Variants in CNTN3 observed in about 807,000 individuals in gnomAD.
CNTN3 encodes contactin-3.
A neutral mutation model predicts 119.1 loss-of-function variants in CNTN3; 60 were observed. The observed-to-expected ratio is 0.50, with a 90% confidence interval of 0.41 to 0.62. CNTN3 has a LOEUF of 0.62. Among genes scored for constraint, CNTN3 ranks in the 20% least tolerant of loss-of-function variants. The pLI, the probability that CNTN3 is intolerant of heterozygous loss-of-function variation, is 0.00. For synonymous variants in CNTN3, 450 were observed against 438.7 expected, an observed-to-expected ratio of 1.03 and a Z score of -0.32; for missense variants, 1,101 against 1,242.4, an observed-to-expected ratio of 0.89 and a Z score of 1.71.
At chr3:74,380,563 C>T (rs1704587744) in intron 5 of CNTN3, among the ~76,000 whole-genome samples, 1 of 152,186 alleles carries the variant, frequency 6.6e-6, no homozygotes, top group Non-Finnish European at 1.5e-5. Flanking sequence ...GCAAAATTTA[C>T]ACTGCCCTTG....
At chr3:74,613,713 C>T (rs1454946211) in intron 1 of CNTN3, among the ~76,000 whole-genome samples, 1 of 152,164 alleles carries the variant, frequency 6.6e-6, no homozygotes, top group Non-Finnish European at 1.5e-5. Flanking sequence ...GCCCGGTTGG[C>T]ACTTCCTGGT....
At chr3:74,611,706 A>C (rs1705084649) in intron 1 of CNTN3, among the ~76,000 whole-genome samples, 1 of 152,216 alleles carries the variant, frequency 6.6e-6, no homozygotes, top group Non-Finnish European at 1.5e-5. Flanking sequence ...ACTGTCCACC[A>C]GCATTAAGTG....
chr3:74,296,608 A>C (rs1450186010), intron 18 of CNTN3, among the ~76,000 whole-genome samples: 1 of 152,208 alleles, frequency 6.6e-6, no homozygotes, highest in Non-Finnish European at 1.5e-5. Context: ...ACTTTTTGCA[A>C]CTTACTGTCA....
At chr3:74,342,567 T>C (rs491492) in intron 11 of CNTN3, among the ~76,000 whole-genome samples, 12,394 of 152,232 alleles carry the variant, frequency 0.081, 1,466 homozygotes, top group African/African-American at 0.26. Context: ...ACCTTGGCTC[T>C]ACTCTATAAC....
intron 5 of CNTN3, among the ~76,000 whole-genome samples, chr3:74,404,217 T>C (rs765601730): frequency 2.4e-4 from 36 of 152,156 alleles, no homozygotes; most frequent in Non-Finnish European, 4.6e-4. Context: ...AGGAGTTCTT[T>C]ATTCTGTGGA....
intron 3 of CNTN3, among the ~76,000 whole-genome samples, chr3:74,498,925 G>T (rs1022398411): frequency 1.3e-5 from 2 of 151,654 alleles, no homozygotes; most frequent in Non-Finnish European, 1.5e-5. Flanking sequence ...CATGAAAGTG[G>T]GTCTCCCAAG....
At chr3:74,576,814 A>C (rs1056658311) in intron 1 of CNTN3, among the ~76,000 whole-genome samples, 1 of 152,134 alleles carries the variant, frequency 6.6e-6, no homozygotes, top group Non-Finnish European at 1.5e-5. Context: ...TTTTCTAAAA[A>C]TAAATTCAAA....
intron 2 of CNTN3, among the ~76,000 whole-genome samples, chr3:74,511,485 A>G (rs1017708199): frequency 7.9e-5 from 12 of 152,076 alleles, no homozygotes; most frequent in African/African-American, 2.2e-4. Flanking sequence ...TCAATTCAAC[A>G]CATCTCTACA....
At chr3:74,533,744 T>G (rs1383623812) in intron 1 of CNTN3, among the ~76,000 whole-genome samples, 1 of 152,036 alleles carries the variant, frequency 6.6e-6, no homozygotes. Context: ...GTTCAAAGCC[T>G]AGAGAGGCAT....
At chr3:74,372,159 A>G (rs907891423) in intron 5 of CNTN3, among the ~76,000 whole-genome samples, 2 of 152,044 alleles carry the variant, frequency 1.3e-5, no homozygotes, top group African/African-American at 4.8e-5. Flanking sequence ...CTGTCCTCCT[A>G]TCACTTGTTA....
chr3:74,341,879 T>G (rs995432094), intron 11 of CNTN3, among the ~76,000 whole-genome samples: 1 of 152,162 alleles, frequency 6.6e-6, no homozygotes, highest in African/African-American at 2.4e-5. Flanking sequence ...CCTGCCTATA[T>G]TCTTCTGATC....
chr3:74,500,297 A>C (rs953723078), intron 2 of CNTN3, among the ~76,000 whole-genome samples: 2 of 152,036 alleles, frequency 1.3e-5, no homozygotes, highest in Non-Finnish European at 2.9e-5. Context: ...AAGATACAGC[A>C]CTGAACAGGC....
At chr3:74,597,106 G>T (rs986047080) in intron 1 of CNTN3, among the ~76,000 whole-genome samples, 26 of 152,136 alleles carry the variant, frequency 1.7e-4, no homozygotes, top group Admixed American at 3.9e-4. Flanking sequence ...GGAAACTCCA[G>T]TCTCTACCCA....
intron 20 of CNTN3, chr3:74,267,582 A>AC (rs1376525942): frequency 4.1e-6 from 2 of 490,598 alleles, no homozygotes; most frequent in Admixed American, 6.6e-5. Context: ...CATACACCAA[A>AC]CCCCCGTGAC....
At chr3:74,488,375 A>C (rs1449255663) in intron 3 of CNTN3, among the ~76,000 whole-genome samples, 1 of 152,172 alleles carries the variant, frequency 6.6e-6, no homozygotes, top group Admixed American at 6.5e-5. Flanking sequence ...GGCCTCCCAA[A>C]GTGCTGAGAT....
At chr3:74,492,643 TA>T (rs1702985543) in intron 3 of CNTN3, among the ~76,000 whole-genome samples, 1 of 152,174 alleles carries the variant, frequency 6.6e-6, no homozygotes, top group South Asian at 2.1e-4. Context: ...TCCTAAATGA[TA>T]AAAACTTTCA....
chr3:74,499,681 C>A lies in CNTN3; in HGVS notation c.160G>T (p.Gly54Cys). The A allele has an allele frequency of 6.2e-7, 1 of 1,610,596 alleles. No homozygotes were observed. The highest frequency in any genetic ancestry group is 8.5e-7 in the Non-Finnish European group (1 of 1,178,128). The change falls in exon 3 of 23, where the codon GGC becomes TGC. Residue 54 changes from glycine (G) to cysteine (C), a missense_variant. Gly to Cys is a radical substitution (Grantham distance 159). Coordinates refer to ENST00000263665, the MANE Select transcript of CNTN3 (RefSeq NM_020872.3). ...KKITLHCEAR[G>C]NPSPHYRWQL... ...TACCTGTAATGAGGTGATGGATTGCCTCTTGCTTCACAATGCAAAGTTATT... is the reference window on the plus strand; with the variant it reads ...TACCTGTAATGAGGTGATGGATTGCATCTTGCTTCACAATGCAAAGTTATT...
chr3:74,613,974 C>G (rs920202711), intron 1 of CNTN3, among the ~76,000 whole-genome samples: 6 of 152,206 alleles, frequency 3.9e-5, no homozygotes, highest in African/African-American at 1.4e-4. Flanking sequence ...ACCTGGGAAT[C>G]TGGGCCTGGG....
At chr3:74,509,858 G>T (rs1348653342) in intron 2 of CNTN3, among the ~76,000 whole-genome samples, 1 of 151,948 alleles carries the variant, frequency 6.6e-6, no homozygotes, top group Non-Finnish European at 1.5e-5. Flanking sequence ...CTAGAACAAT[G>T]TTTGTGTATT....
Sources: allele counts gnomAD v4.1 joint callset (sites outside exome capture counted in the v4.1 genomes callset), GRCh38; gene constraint gnomAD v4.1.1; transcripts MANE v1.5; gene names NCBI Gene and HGNC (gene_info 2026-07-23, HGNC 2026-07-21).